SEL1L3: variants seen among roughly 807,000 people sequenced by gnomAD.
SEL1L3 encodes SEL1L family member 3, also known as protein sel-1 homolog 3.
SEL1L3 carries 76 observed loss-of-function variants against 142.8 expected under a neutral mutation model. The observed-to-expected ratio is 0.53, with a 90% CI of 0.44 to 0.64. The LOEUF (loss-of-function observed/expected upper bound fraction) is 0.64. Among genes scored for constraint, SEL1L3 ranks in the 30% least tolerant of loss-of-function variants. SEL1L3 has a pLI of 0.00. For synonymous variants in SEL1L3, 504 were observed against 519.6 expected, an observed-to-expected ratio of 0.97 and a Z score of 0.41; for missense variants, 1,262 against 1,381.7, an observed-to-expected ratio of 0.91 and a Z score of 1.37.
chr4:25,822,274 T>G, intron 6 of SEL1L3, 146 bp from the exon 7 acceptor site: 1 of 877,588 alleles, frequency 1.1e-6, no homozygotes, highest in Non-Finnish European at 1.8e-6. Flanking sequence ...CAGCGTAGGG[T>G]CAGGTGGACT....
intron 11 of SEL1L3, among the ~76,000 whole-genome samples, chr4:25,791,198 T>A (rs1322724504): frequency 5.3e-5 from 8 of 152,272 alleles, no homozygotes; most frequent in South Asian, 4.1e-4. Flanking sequence ...CTATCCTGCA[T>A]GACTAACCTC....
chr4:25,857,247 G>A (rs1283161052), intron 1 of SEL1L3, among the ~76,000 whole-genome samples: 1 of 152,176 alleles, frequency 6.6e-6, no homozygotes, highest in Non-Finnish European at 1.5e-5. Context: ...ATCAGCATGT[G>A]CTTAGGGAAG....
In SEL1L3 at chr4:25,788,569, C is replaced by CGTGTGTGTGT. The variant is rs58435041; in HGVS notation, c.2077-215_2077-206dup. 1.5e-4 allele frequency among the ~76,000 whole-genome samples: 21 copies of CGTGTGTGTGT among 140,058 alleles called. No homozygotes were observed. The highest frequency in any genetic ancestry group is 3.4e-4 in the African/African-American group (13 of 37,794). 91.9% of individuals were successfully genotyped at this position (140,058 alleles called of 152,430 possible). A position where few individuals can be genotyped will look rare whatever the true frequency, so the allele number is the denominator to read the frequency against. On this transcript the variant is annotated intron_variant, in intron 12 of 23. Coordinates refer to ENST00000399878, the MANE Select transcript of SEL1L3 (RefSeq NM_015187.5). This position sits in a 1 kb window ranked among gnomAD's most constrained non-coding sequence, Gnocchi z 5.3. ...CCCTTAATGCAAGCCAGAAATGGTT[C>CGTGTGTGTGT]GTGTGTGTGTGTGTGTGTGTGTGTG... is the stretch of plus-strand genomic sequence containing the variant.
downstream of SEL1L3, among the ~76,000 whole-genome samples, chr4:25,745,563 T>C (rs1717236052): frequency 6.6e-6 from 1 of 152,010 alleles, no homozygotes; most frequent in Non-Finnish European, 1.5e-5. Flanking sequence ...ATTCTCAAGG[T>C]GAAGGGAGTG....
chr4:25,781,350 G>A (rs1391835240), intron 15 of SEL1L3, among the ~76,000 whole-genome samples: 1 of 152,082 alleles, frequency 6.6e-6, no homozygotes, highest in Non-Finnish European at 1.5e-5. Flanking sequence ...ATGTAGCGGA[G>A]CTCAGGACCA....
rs1174587929 is a variant in SEL1L3 at position 25,862,734 on chromosome 4, C to T, written c.103G>A (p.Gly35Ser). Residue 35 changes from glycine (G) to serine (S), a missense_variant, in exon 1 of 24, where the codon GGC (glycine) becomes AGC (serine). Physicochemically the swap from Gly to Ser is moderately conservative, Grantham distance 56. Coordinates refer to ENST00000399878, the MANE Select transcript of SEL1L3 (RefSeq NM_015187.5). ...CGGCCGCCGAGGCCCTGGGGGACGCCGCCACTCGGGACCATGGCTGCGGCC... is the reference window on the plus strand; with the variant it reads ...CGGCCGCCGAGGCCCTGGGGGACGCTGCCACTCGGGACCATGGCTGCGGCC... ...PRAAAMVPSG[G>S]VPQGLGGRSA... The T allele has an allele frequency of 7.9e-7, 1 of 1,271,998 alleles. No individual in the cohort carries two copies. The highest frequency in any genetic ancestry group is 2.6e-5 in the South Asian group (1 of 39,002). 78.8% of individuals were successfully genotyped at this position (1,271,998 alleles called of 1,614,324 possible).
At chr4:25,808,868 GA>G (rs1713802632) in intron 9 of SEL1L3, among the ~76,000 whole-genome samples, 1 of 152,284 alleles carries the variant, frequency 6.6e-6, no homozygotes, top group Non-Finnish European at 1.5e-5. Flanking sequence ...AGGAAATCGA[GA>G]ACACCCTGGC....
the SEL1L3 span, among the ~76,000 whole-genome samples, chr4:25,715,931 A>C: frequency 1.3e-5 from 2 of 152,162 alleles, no homozygotes; most frequent in African/African-American, 4.8e-5. Context: ...GGGTGATTTG[A>C]AGAGGCAGAG....
chr4:25,732,449 T>A, the SEL1L3 span, among the ~76,000 whole-genome samples: 1 of 152,228 alleles, frequency 6.6e-6, no homozygotes, highest in Admixed American at 6.5e-5. Context: ...TTGTGCCATT[T>A]TACATTTCCA....
the SEL1L3 span, among the ~76,000 whole-genome samples, chr4:25,741,969 C>T: frequency 4.8e-3 from 736 of 151,918 alleles, 8 homozygotes; most frequent in African/African-American, 0.017. Context: ...CCACCATGCC[C>T]GGCTAATTTT....
rs1443178249 is a variant in SEL1L3, at chr4:25,758,922, C to A, written c.3083+19G>T. The A allele has an allele frequency of 3.1e-6, 5 of 1,610,772 alleles. No homozygotes were observed. Among genetic ancestry groups the A allele is most frequent in the Middle Eastern group, 1.6e-4 (1 of 6,078 alleles). The stretch of plus-strand genomic sequence containing the variant: ...TTGGGTTCCCTCAGATTCCACAGTT[C>A]TAGAGGCTCTGAGCTCACCTTTCGT... On this transcript the variant is annotated intron_variant, in intron 21 of 23. Coordinates refer to ENST00000399878, the MANE Select transcript of SEL1L3 (RefSeq NM_015187.5).
chr4:25,727,728 A>C, the SEL1L3 span, among the ~76,000 whole-genome samples: 1 of 152,170 alleles, frequency 6.6e-6, no homozygotes, highest in Admixed American at 6.5e-5. Context: ...GGGCTTCACA[A>C]ACCAGCATTT....
At chr4:25,718,013 G>T in the SEL1L3 span, 1 of 152,122 alleles carries the variant, frequency 6.6e-6, no homozygotes, top group East Asian at 1.9e-4. Context: ...TTTCTTGATA[G>T]GTAAGAAGTT....
At chr4:25,742,576 G>A (rs549301922), downstream of SEL1L3, among the ~76,000 whole-genome samples, 8 of 152,294 alleles carry the variant, frequency 5.3e-5, no homozygotes, top group South Asian at 1.7e-3. Flanking sequence ...GATGATAGGC[G>A]TGAGCCACCG....
At chr4:25,832,724 A>T (rs1209532411) in intron 5 of SEL1L3, among the ~76,000 whole-genome samples, 3 of 152,236 alleles carry the variant, frequency 2.0e-5, no homozygotes, top group African/African-American at 7.2e-5. Flanking sequence ...TGACTTGCTC[A>T]GATCAGTATG....
intron 23 of SEL1L3, among the ~76,000 whole-genome samples, chr4:25,755,719 T>C (rs1717913113): frequency 6.6e-6 from 1 of 152,194 alleles, no homozygotes; most frequent in Non-Finnish European, 1.5e-5. Flanking sequence ...AAGAGATGAC[T>C]TCTGATCAAA....
chr4:25,800,319 T>C (rs1560311528), intron 11 of SEL1L3, among the ~76,000 whole-genome samples: 1 of 152,224 alleles, frequency 6.6e-6, no homozygotes, highest in Non-Finnish European at 1.5e-5. Context: ...AATTACCCAT[T>C]CTTAAGAAAA....
At chr4:25,714,500 T>TTTTCTTTCTTTC in the SEL1L3 span, among the ~76,000 whole-genome samples, 5,642 of 108,668 alleles carry the variant, frequency 0.052, 150 homozygotes, top group Middle Eastern at 0.06. Flanking sequence ...CTTTCTTTCT[T>TTTTCTTTCTTTC]TTTCTTTCTT....
intron 2 of SEL1L3, among the ~76,000 whole-genome samples, chr4:25,837,344 T>C (rs565813357): frequency 1.1e-4 from 16 of 142,688 alleles, no homozygotes; most frequent in African/African-American, 4.2e-4. Flanking sequence ...AGTGGAAACA[T>C]TTGTCAAAAC....
Sources: gnomAD v4.1 joint callset for allele counts (sites outside exome capture counted in the v4.1 genomes callset) on GRCh38, gnomAD v4.1.1 for gene constraint, Gnocchi (gnomAD v3.1) non-coding constraint, MANE v1.5 for transcripts, NCBI Gene and HGNC (gene_info 2026-07-23, HGNC 2026-07-21) for gene names.